The following PCDHGB1 variants were observed in gnomAD, a reference collection of about 807,000 sequenced individuals.
PCDHGB1 encodes the protein protocadherin gamma subfamily B, 1, also known as protocadherin gamma-B1.
A neutral mutation model predicts 56.6 loss-of-function variants in PCDHGB1; 34 were observed. That is an observed-to-expected ratio of 0.60 (90% CI 0.46 to 0.80). The LOEUF is 0.80. Among genes scored for constraint, PCDHGB1 ranks in the 30% least tolerant of loss-of-function variants. The pLI, the probability that PCDHGB1 is intolerant of heterozygous loss-of-function variation, is 0.00. For synonymous variants in PCDHGB1, 561 were observed against 505.9 expected, an observed-to-expected ratio of 1.11 and a Z score of -1.46; for missense variants, 1,278 against 1,204.6, an observed-to-expected ratio of 1.06 and a Z score of -0.90.
Position 141,432,155 on chromosome 5 carries a change from C to T in PCDHGB1, c.2410-62652C>T, listed in dbSNP as rs368480052. 3.8e-5 allele frequency: 62 copies of T among 1,614,178 alleles called. No individual in the cohort carries two copies. In the African/African-American group the frequency reaches 7.1e-4, roughly 18 times the overall value. On this transcript the variant is annotated intron_variant, in intron 1 of 3. Coordinates refer to ENST00000523390, the MANE Select transcript of PCDHGB1 (RefSeq NM_018922.3). This position sits in a 1 kb window ranked among gnomAD's most constrained non-coding sequence, Gnocchi z 6.0. ...TTCCGCTTATATCCCAGAGAACAATCCCAGAGGAGTTTCCCTCGTCTCTGT... is the reference window on the plus strand; with the variant it reads ...TTCCGCTTATATCCCAGAGAACAATTCCAGAGGAGTTTCCCTCGTCTCTGT...
intron 2 of PCDHGB1, among the ~76,000 whole-genome samples, chr5:141,502,828 G>T (rs928458403): frequency 6.6e-6 from 1 of 150,704 alleles, no homozygotes; most frequent in Non-Finnish European, 1.5e-5. Context: ...CCTTGGGGAA[G>T]CCTGGACTGG....
chr5:141,365,463 A>G (rs906812137), intron 1 of PCDHGB1: 2 of 1,613,996 alleles, frequency 1.2e-6, no homozygotes, highest in South Asian at 1.1e-5. Flanking sequence ...GATTCTGGAG[A>G]AAATGGTGAG....
Position 141,432,878 on chromosome 5 carries a change from TTCGTCA to T in PCDHGB1, c.2410-61926_2410-61921del. 6.2e-7 allele frequency: 1 copy of T among 1,614,178 alleles called. No individual in the cohort carries two copies. The highest frequency in any genetic ancestry group is 1.7e-5 in the Admixed American group (1 of 60,036). Reference sequence around the variant, plus strand: ...CGCGGTCTCCTGCGTCTTCCTGGCCTTCGTCATCTTGCTGCTGGCGCTCAGGCTGCG... The same window carrying T: ...CGCGGTCTCCTGCGTCTTCCTGGCCTTCTTGCTGCTGGCGCTCAGGCTGCG... On this transcript the variant is annotated intron_variant, in intron 1 of 3. Transcript: ENST00000523390. This position sits in a 1 kb window ranked among gnomAD's most constrained non-coding sequence, Gnocchi z 6.0.
intron 1 of PCDHGB1, chr5:141,427,959 C>A: frequency 1.3e-6 from 2 of 1,588,886 alleles, no homozygotes; most frequent in Non-Finnish European, 1.7e-6. Flanking sequence ...CAATGTGCCG[C>A]GGGTGCTGTA....
chr5:141,374,117 G>A (rs750762308), intron 1 of PCDHGB1: 9 of 1,587,566 alleles, frequency 5.7e-6, no homozygotes, highest in Non-Finnish European at 7.7e-6. Context: ...GCAGCGCAGC[G>A]AGCAGGTCCT....
chr5:141,381,026 C>A (rs1409313580), intron 1 of PCDHGB1, among the ~76,000 whole-genome samples: 1 of 152,144 alleles, frequency 6.6e-6, no homozygotes, highest in Non-Finnish European at 1.5e-5. Flanking sequence ...CTATTAGTTC[C>A]TTTAAACAAA....
At chr5:141,427,814 G>T in intron 1 of PCDHGB1, 2 of 1,526,562 alleles carry the variant, frequency 1.3e-6, no homozygotes, top group South Asian at 2.2e-5. Context: ...CACAGAGCGG[G>T]GTGGTGGTCG....
chr5:141,474,970 A>G (rs1309289477), intron 1 of PCDHGB1, among the ~76,000 whole-genome samples: 4 of 152,212 alleles, frequency 2.6e-5, no homozygotes, highest in African/African-American at 9.6e-5. Context: ...TAATCATTAT[A>G]ATTTTGTTTG....
intron 1 of PCDHGB1, chr5:141,420,546 G>T: frequency 3.5e-6 from 1 of 284,254 alleles, no homozygotes; most frequent in Admixed American, 5.0e-5. Flanking sequence ...ATAAAATACA[G>T]GTATATTTTT....
intron 1 of PCDHGB1, chr5:141,426,609 G>A (rs1026143678): frequency 5.2e-6 from 2 of 382,862 alleles, no homozygotes; most frequent in African/African-American, 4.2e-5. Flanking sequence ...AGAGATTGTA[G>A]CAGAGAATCC....
Position 141,485,448 on chromosome 5 carries a change from G to A in PCDHGB1, c.2410-9359G>A. On this transcript the variant is annotated intron_variant, in intron 1 of 3. Coordinates refer to ENST00000523390, the MANE Select transcript of PCDHGB1 (RefSeq NM_018922.3). This position sits in a 1 kb window ranked among gnomAD's most constrained non-coding sequence, Gnocchi z 5.7. ...CTGCTCATCAAGAACCCAATCGACC[G>A]AGAGGCACTGTGTGGGCTCAGTGCC... is the stretch of plus-strand genomic sequence containing the variant. 1 of 1,614,154 alleles carries A rather than the reference G, an allele frequency of 6.2e-7. No homozygotes were observed.
chr5:141,378,847 A>G (rs1235220529), intron 1 of PCDHGB1: 2 of 152,214 alleles, frequency 1.3e-5, no homozygotes, highest in Non-Finnish European at 2.9e-5. Flanking sequence ...AGAGTTTTTG[A>G]CTGTCAATGA....
chr5:141,361,428 C>T lies in PCDHGB1; in HGVS notation c.2409+8759C>T, dbSNP rs753837772. 5.0e-6 allele frequency: 8 copies of T among 1,614,050 alleles called. No individual in the cohort carries two copies. The African/African-American group carries it at 9.3e-5, about 19-fold the overall frequency. ...CAGCCACCGACGGGGGCAAGCCGCCCCTCTCCTCCAGCATAATTGTCACCC... is the reference window on the plus strand; with the variant it reads ...CAGCCACCGACGGGGGCAAGCCGCCTCTCTCCTCCAGCATAATTGTCACCC... On this transcript the variant is annotated intron_variant, in intron 1 of 3. Transcript: ENST00000523390.
chr5:141,374,884 C>T (rs1770914347), intron 1 of PCDHGB1: 1 of 1,613,714 alleles, frequency 6.2e-7, no homozygotes, highest in African/African-American at 1.3e-5. Context: ...TGACTGCCAC[C>T]GACCAGGATG....
At chr5:141,354,824 G>A (rs923189281) in intron 1 of PCDHGB1, among the ~76,000 whole-genome samples, 1 of 152,154 alleles carries the variant, frequency 6.6e-6, no homozygotes, top group Non-Finnish European at 1.5e-5. Context: ...TATTGTACAG[G>A]AAGACTTGGA....
In PCDHGB1 at chr5:141,388,127, C is replaced by T. The variant is rs760517049; in HGVS notation, c.2409+35458C>T. 21 of 1,427,554 alleles carry T rather than the reference C, an allele frequency of 1.5e-5. No homozygotes were observed. The African/African-American group carries it at 2.9e-4, about 20-fold the overall frequency. The allele number at this position is 1,427,554 out of a possible 1,614,324, so 88.4% of individuals were successfully genotyped here. On this transcript the variant is annotated intron_variant, in intron 1 of 3. Coordinates refer to ENST00000523390, the MANE Select transcript of PCDHGB1 (RefSeq NM_018922.3). ...CTTACTTCACCGTGAGCGCAGAGAG[C>T]GGGGAGTTGCTTGTGAGCAGCAGGC...
At chr5:141,409,125 A>AT in intron 1 of PCDHGB1, 1 of 1,613,982 alleles carries the variant, frequency 6.2e-7, no homozygotes, top group African/African-American at 1.3e-5. Flanking sequence ...CAGTCATTTG[A>AT]TTTTGAAGAT....
At chr5:141,470,227 C>A (rs1387947362) in intron 1 of PCDHGB1, among the ~76,000 whole-genome samples, 1 of 152,160 alleles carries the variant, frequency 6.6e-6, no homozygotes, top group Non-Finnish European at 1.5e-5. Flanking sequence ...AGCTTCTTCA[C>A]CAAACCCTTG....
chr5:141,410,689 C>T, intron 1 of PCDHGB1: 2 of 1,514,926 alleles, frequency 1.3e-6, no homozygotes, highest in Non-Finnish European at 1.8e-6. Flanking sequence ...AGGCATACTA[C>T]TTTATTTTCA....
Sources: gnomAD v4.1 joint callset for allele counts (sites outside exome capture counted in the v4.1 genomes callset) on GRCh38, gnomAD v4.1.1 for gene constraint, Gnocchi (gnomAD v3.1) non-coding constraint, MANE v1.5 for transcripts, NCBI Gene and HGNC (gene_info 2026-07-23, HGNC 2026-07-21) for gene names.